The following SNX29 variants were observed in gnomAD, a reference collection of about 807,000 sequenced individuals.
SNX29 encodes sorting nexin 29, also known as sorting nexin-29.
Under a neutral mutation model 102.1 loss-of-function variants are expected in SNX29, and 78 were observed. The ratio of observed to expected loss-of-function variants is 0.76; its 90% CI spans 0.64 to 0.92. SNX29 has a LOEUF of 0.92. SNX29 is among the 40% of genes least tolerant of loss of function. The probability of loss-of-function intolerance (pLI) is 0.00; values close to 1 mark genes in which losing one functional copy is unlikely to be tolerated. For missense variants in SNX29, 1,280 were observed against 1,061.7 expected, an observed-to-expected ratio of 1.21 and a Z score of -2.86; for synonymous variants, 580 against 414.5, an observed-to-expected ratio of 1.40 and a Z score of -4.85.
At chr16:12,276,838 T>C (rs2079266741) in intron 14 of SNX29, among the ~76,000 whole-genome samples, 1 of 152,242 alleles carries the variant, frequency 6.6e-6, no homozygotes. Flanking sequence ...GAAACACTAC[T>C]CAGAGCCGTT....
chr16:12,532,664 A>G (rs1200091880), intron 20 of SNX29, among the ~76,000 whole-genome samples: 2 of 152,174 alleles, frequency 1.3e-5, no homozygotes, highest in African/African-American at 2.4e-5. Flanking sequence ...TGGCTGACAT[A>G]TGGGGGATCA....
intron 14 of SNX29, among the ~76,000 whole-genome samples, chr16:12,252,294 C>G (rs1219803982): frequency 6.6e-6 from 1 of 151,760 alleles, no homozygotes; most frequent in Non-Finnish European, 1.5e-5. Context: ...TTTGAATCCC[C>G]TGGCTGGAAG....
chr16:12,446,906 G>A (rs2086081724), intron 18 of SNX29, among the ~76,000 whole-genome samples: 1 of 151,784 alleles, frequency 6.6e-6, no homozygotes, highest in African/African-American at 2.4e-5. Flanking sequence ...TGACTCACAT[G>A]GTAATCCCAG....
chr16:12,136,420 C>A (rs948315196), intron 13 of SNX29, among the ~76,000 whole-genome samples: 2 of 152,240 alleles, frequency 1.3e-5, no homozygotes, highest in Non-Finnish European at 2.9e-5. Flanking sequence ...AGTTTCCCCA[C>A]TGATGCTAAC....
intron 3 of SNX29, among the ~76,000 whole-genome samples, chr16:12,009,261 G>A (rs887707586): frequency 1.3e-5 from 2 of 152,052 alleles, no homozygotes; most frequent in South Asian, 2.1e-4. Flanking sequence ...GTAATGTTTC[G>A]AGTAGAGACA....
At chr16:12,354,795 C>T (rs944994765) in intron 15 of SNX29, among the ~76,000 whole-genome samples, 61 of 152,178 alleles carry the variant, frequency 4.0e-4, no homozygotes, top group African/African-American at 1.5e-3. Flanking sequence ...CTTTTCTTAT[C>T]CAAAAGGAAT....
At chr16:11,990,450 G>A (rs140724598) in intron 1 of SNX29, among the ~76,000 whole-genome samples, 166 of 152,258 alleles carry the variant, frequency 1.1e-3, no homozygotes, top group African/African-American at 3.5e-3. Flanking sequence ...TGGGCACTGC[G>A]GGGGTCCCTC....
chr16:12,272,001 G>A (rs1231292804), intron 14 of SNX29, among the ~76,000 whole-genome samples: 1 of 152,176 alleles, frequency 6.6e-6, no homozygotes, highest in Non-Finnish European at 1.5e-5. Context: ...TTTCATACAT[G>A]GAATTGAAAT....
At chr16:12,064,921 C>T (rs902353687) in intron 9 of SNX29, among the ~76,000 whole-genome samples, 6 of 152,224 alleles carry the variant, frequency 3.9e-5, no homozygotes, top group African/African-American at 1.4e-4. Flanking sequence ...GGAGACTTCC[C>T]ACATGGAGGG....
chr16:11,989,473 G>A (rs1024122961), intron 1 of SNX29, among the ~76,000 whole-genome samples: 5 of 152,150 alleles, frequency 3.3e-5, no homozygotes, highest in African/African-American at 7.2e-5. Flanking sequence ...GGGAGACAGC[G>A]CCCTGACTTT....
intron 15 of SNX29, among the ~76,000 whole-genome samples, chr16:12,288,678 G>GA (rs532173454): frequency 0.025 from 2,636 of 106,852 alleles, 50 homozygotes; most frequent in African/African-American, 0.056. Flanking sequence ...GACATCTGGG[G>GA]AAAAAAAAAA....
intron 20 of SNX29, among the ~76,000 whole-genome samples, chr16:12,539,286 C>T (rs755242070): frequency 4.6e-5 from 7 of 152,068 alleles, no homozygotes; most frequent in African/African-American, 7.2e-5. Context: ...GCACCCTCCC[C>T]CACCTCTAAG....
At chr16:12,549,332 C>G (rs901302752) in intron 20 of SNX29, among the ~76,000 whole-genome samples, 2 of 152,042 alleles carry the variant, frequency 1.3e-5, no homozygotes, top group Admixed American at 1.3e-4. Flanking sequence ...CCATGTCTAC[C>G]AAAAATACAA....
chr16:12,139,288 G>A (rs2054781328), intron 13 of SNX29, among the ~76,000 whole-genome samples: 1 of 149,390 alleles, frequency 6.7e-6, no homozygotes, highest in Non-Finnish European at 1.5e-5. Flanking sequence ...TCTGAGATAC[G>A]CTTCATGGGA....
intron 9 of SNX29, among the ~76,000 whole-genome samples, chr16:12,068,399 G>T (rs971538773): frequency 6.6e-6 from 1 of 150,420 alleles, no homozygotes; most frequent in Non-Finnish European, 1.5e-5. Context: ...GAGGTGGGAG[G>T]ACCACTGGAG....
At chr16:12,275,901 T>C (rs920543726) in intron 14 of SNX29, among the ~76,000 whole-genome samples, 7 of 102,882 alleles carry the variant, frequency 6.8e-5, no homozygotes, top group African/African-American at 2.7e-4. Context: ...TTTTTTTTTT[T>C]TGGGGGGCGT....
chr16:12,059,744 G>A (rs1332764242), intron 8 of SNX29, among the ~76,000 whole-genome samples: 3 of 152,188 alleles, frequency 2.0e-5, no homozygotes, highest in East Asian at 1.9e-4. Context: ...CCTGAAATAT[G>A]TACTCTCTGG....
At chr16:12,013,500 A>AAAAAAAAAAAAAAATATATATATAT in intron 3 of SNX29, among the ~76,000 whole-genome samples, 2 of 31,632 alleles carry the variant, frequency 6.3e-5, no homozygotes, top group African/African-American at 9.8e-5. Flanking sequence ...AAAAAAAAAA[A>AAAAAAAAAAAAAAATATATATATAT]ATATATATAT....
chr16:12,563,887 C>G (rs1246049967), intron 20 of SNX29, among the ~76,000 whole-genome samples: 1 of 152,236 alleles, frequency 6.6e-6, no homozygotes, highest in African/African-American at 2.4e-5. Flanking sequence ...CCCCTTGGGC[C>G]TCTGCCGTCT....
Sources: gnomAD v4.1 joint callset for allele counts (sites outside exome capture counted in the v4.1 genomes callset) on GRCh38, gnomAD v4.1.1 for gene constraint, MANE v1.5 for transcripts, NCBI Gene and HGNC (gene_info 2026-07-23, HGNC 2026-07-21) for gene names.